Variants in LARGE1 observed in about 807,000 individuals in gnomAD.
The protein encoded by LARGE1 is LARGE xylosyl- and glucuronyltransferase 1, also known as xylosyl- and glucuronyltransferase LARGE1.
LARGE1 carries 43 observed loss-of-function variants against 87.6 expected under a neutral mutation model. The ratio of observed to expected loss-of-function variants is 0.49; its 90% CI spans 0.38 to 0.63. LARGE1 has a LOEUF of 0.63. LARGE1 is among the 30% of genes least tolerant of loss of function. LARGE1 has a pLI of 0.00. For missense variants in LARGE1, 802 were observed against 1,000.2 expected (o/e 0.80, Z 2.67); for synonymous variants, 434 against 394.6 (o/e 1.10, Z -1.18).
intron 6 of LARGE1, among the ~76,000 whole-genome samples, chr22:33,464,674 G>A (rs2068515927): frequency 6.6e-6 from 1 of 152,082 alleles, no homozygotes; most frequent in East Asian, 1.9e-4. Context: ...CTTCTAGATT[G>A]GAAAAGATCG....
At chr22:33,660,304 C>T (rs948718055) in intron 2 of LARGE1, among the ~76,000 whole-genome samples, 3 of 152,086 alleles carry the variant, frequency 2.0e-5, no homozygotes, top group East Asian at 1.9e-4. Context: ...GTATTTAGTG[C>T]TCTGTTTCCT....
At chr22:33,545,768 T>A (rs1325972265) in intron 6 of LARGE1, among the ~76,000 whole-genome samples, 2 of 151,806 alleles carry the variant, frequency 1.3e-5, no homozygotes, top group Non-Finnish European at 2.9e-5. Flanking sequence ...TATGTTTGTA[T>A]GGACAGGGTT....
intron 11 of LARGE1, among the ~76,000 whole-genome samples, chr22:33,236,755 G>A (rs1311363728): frequency 6.6e-6 from 1 of 152,132 alleles, no homozygotes; most frequent in Non-Finnish European, 1.5e-5. Context: ...AAGCATTAGG[G>A]CCAGTCTAGC....
chr22:33,716,339 T>C (rs2082906967), intron 2 of LARGE1, among the ~76,000 whole-genome samples: 3 of 152,230 alleles, frequency 2.0e-5, no homozygotes, highest in South Asian at 4.1e-4. Flanking sequence ...CATTTTCATA[T>C]GGCAACTCTA....
At chr22:33,111,484 C>T in the LARGE1 span, among the ~76,000 whole-genome samples, 2 of 152,156 alleles carry the variant, frequency 1.3e-5, no homozygotes, top group Admixed American at 6.5e-5. Flanking sequence ...GCAGCTGGAG[C>T]CCAACTCCTG....
At chr22:33,149,171 G>A in the LARGE1 span, among the ~76,000 whole-genome samples, 1 of 151,246 alleles carries the variant, frequency 6.6e-6, no homozygotes, top group Non-Finnish European at 1.5e-5. Flanking sequence ...CGAGTAGCTG[G>A]GACTACAGGC....
At chr22:33,922,375 T>C (rs1240752903), upstream of LARGE1, 8 of 152,194 alleles carry the variant, frequency 5.3e-5, no homozygotes, top group Admixed American at 5.2e-4. Context: ...TTTACCGAGC[T>C]GGGACCCTTC....
intron 9 of LARGE1, among the ~76,000 whole-genome samples, chr22:33,361,494 C>T (rs975137866): frequency 6.7e-6 from 1 of 149,624 alleles, no homozygotes; most frequent in South Asian, 2.2e-4. Context: ...AGTCCTTGCA[C>T]TTACTCCCTG....
At chr22:33,197,939 T>C (rs1568969632) in intron 11 of LARGE1, among the ~76,000 whole-genome samples, 2 of 152,212 alleles carry the variant, frequency 1.3e-5, no homozygotes, top group East Asian at 3.9e-4. Flanking sequence ...TGCCACATAA[T>C]AGAGTCCAGA....
intron 6 of LARGE1, among the ~76,000 whole-genome samples, chr22:33,446,627 A>G (rs1191087938): frequency 1.3e-5 from 2 of 152,198 alleles, no homozygotes; most frequent in African/African-American, 4.8e-5. Context: ...TGTGGCTGAG[A>G]CAAATAGATG....
chr22:33,730,999 ATTTT>A lies in LARGE1; in HGVS notation c.106+30368_106+30371del, dbSNP rs376692050. Among the ~76,000 whole-genome samples the A allele has an allele frequency of 8.2e-3, 954 of 115,934 alleles. 11 individuals carry two copies. Among genetic ancestry groups the A allele is most frequent in the African/African-American group, 0.026 (872 of 33,156 alleles). The allele number at this position is 115,934 out of a possible 152,430, so 76.1% of individuals were successfully genotyped here. On this transcript the variant is annotated intron_variant, in intron 2 of 14. Transcript: ENST00000397394. ...CGTGAACCACTGCGCCCAGCCTGCAATTTTTTTTTTTTTTTTTTTTTGAGACGGA... is the reference window on the plus strand; with the variant it reads ...CGTGAACCACTGCGCCCAGCCTGCAATTTTTTTTTTTTTTTTTGAGACGGA...
chr22:33,127,509 C>T, the LARGE1 span, among the ~76,000 whole-genome samples: 1 of 152,214 alleles, frequency 6.6e-6, no homozygotes, highest in Non-Finnish European at 1.5e-5. Context: ...CTTACTCAAG[C>T]ACCATAAACA....
chr22:33,183,221 G>A (rs1227440121), intron 11 of LARGE1, among the ~76,000 whole-genome samples: 1 of 151,966 alleles, frequency 6.6e-6, no homozygotes, highest in Non-Finnish European at 1.5e-5. Context: ...ATGGATAGAT[G>A]AAAAAATGAT....
At chr22:33,867,311 CT>C (rs1294512345) in intron 1 of LARGE1, among the ~76,000 whole-genome samples, 1 of 152,190 alleles carries the variant, frequency 6.6e-6, no homozygotes, top group Non-Finnish European at 1.5e-5. Flanking sequence ...TAAACATGGC[CT>C]TTGCACACAT....
chr22:33,710,167 G>C lies in LARGE1; in HGVS notation c.106+51204C>G, dbSNP rs138218572. Among the ~76,000 whole-genome samples, 406 of 151,486 alleles carry C rather than the reference G, an allele frequency of 2.7e-3. 1 individual carries two copies. The highest frequency in any genetic ancestry group is 9.4e-3 in the African/African-American group (387 of 41,196). On this transcript the variant is annotated intron_variant, in intron 2 of 14. Coordinates refer to ENST00000397394, the MANE Select transcript of LARGE1 (RefSeq NM_133642.5). The stretch of plus-strand genomic sequence containing the variant: ...GAAGACAATAGCTCATGACAGCAAG[G>C]CAGTTACAAGCAATTCAAGGAGATT...
At chr22:33,792,315 C>T (rs992199682) in intron 1 of LARGE1, among the ~76,000 whole-genome samples, 1 of 152,190 alleles carries the variant, frequency 6.6e-6, no homozygotes, top group Non-Finnish European at 1.5e-5. Context: ...CTCAGGAGTT[C>T]TGATGGTTTT....
chr22:33,847,916 C>A (rs1249613259), intron 1 of LARGE1, among the ~76,000 whole-genome samples: 1 of 152,150 alleles, frequency 6.6e-6, no homozygotes, highest in Non-Finnish European at 1.5e-5. Context: ...GATCAAAAAT[C>A]AAACTGGTAA....
intron 2 of LARGE1, among the ~76,000 whole-genome samples, chr22:33,752,107 G>T (rs2084340933): frequency 6.6e-6 from 1 of 152,158 alleles, no homozygotes; most frequent in Non-Finnish European, 1.5e-5. Flanking sequence ...TAGTGTTCAT[G>T]AACATTTCAT....
intron 11 of LARGE1, among the ~76,000 whole-genome samples, chr22:33,262,166 A>C (rs1371264331): frequency 6.6e-6 from 1 of 152,216 alleles, no homozygotes; most frequent in Non-Finnish European, 1.5e-5. Flanking sequence ...GCAAAGATGT[A>C]AACTGGCTTC....
Sources: allele counts gnomAD v4.1 joint callset (sites outside exome capture counted in the v4.1 genomes callset), GRCh38; gene constraint gnomAD v4.1.1; transcripts MANE v1.5; gene names NCBI Gene and HGNC (gene_info 2026-07-23, HGNC 2026-07-21).